The following C1orf159 variants were observed in gnomAD, a reference collection of about 807,000 sequenced individuals.
C1orf159 encodes chromosome 1 open reading frame 159.
Under a neutral mutation model 25.6 loss-of-function variants are expected in C1orf159, and 19 were observed. That is an observed-to-expected ratio of 0.74 (90% CI 0.52 to 1.09). C1orf159 has a LOEUF of 1.09. Ranked by LOEUF, C1orf159 falls within the 50% of genes least tolerant of loss-of-function variation. The pLI, the probability that C1orf159 is intolerant of heterozygous loss-of-function variation, is 0.00. For synonymous variants in C1orf159, 139 were observed against 124.7 expected, an observed-to-expected ratio of 1.12 and a Z score of -0.77; for missense variants, 274 against 290.6, an observed-to-expected ratio of 0.94 and a Z score of 0.42.
intron 9 of C1orf159, 92 bp downstream of exon 9, chr1:1,084,261 A>G (rs1479909693): frequency 1.3e-6 from 2 of 1,519,624 alleles, no homozygotes; most frequent in Non-Finnish European, 1.8e-6. Context: ...ATCCAGAGCC[A>G]GGCAAACCCG....
In C1orf159 at chr1:1,089,552, G is replaced by T. The variant is rs1197259097; in HGVS notation, c.148+801C>A. On this transcript the variant is annotated intron_variant, in intron 4 of 9. Coordinates refer to ENST00000421241, the MANE Select transcript of C1orf159 (RefSeq NM_017891.5). This position sits in a 1 kb window ranked among gnomAD's most constrained non-coding sequence, Gnocchi z 7.5. ...CCCCCACGCCCAGCCTCGGACCCCC[G>T]CGCCCAGCCTCACTGGCTGCCACAG... Among the ~76,000 whole-genome samples, 1 of 151,820 alleles carries T rather than the reference G, an allele frequency of 6.6e-6. No individual in the cohort carries two copies. Among genetic ancestry groups the T allele is most frequent in the African/African-American group, 2.4e-5 (1 of 41,288 alleles).
At position 1,087,058 on chromosome 1, in the gene C1orf159, AG is replaced by A; in HGVS notation, c.310+80del. ...CCCTGAGCCTGCTGTGGCTGCGTCA[AG>A]GGTGAGGGTCTGCACTGGCTCCGAC... On this transcript the variant is annotated intron_variant, in intron 6 of 9. Coordinates refer to ENST00000421241, the MANE Select transcript of C1orf159 (RefSeq NM_017891.5). The surrounding 1 kb of genome is among the most constrained non-coding windows in gnomAD (Gnocchi z 8.3). 1 of 1,387,040 alleles carries A rather than the reference AG, an allele frequency of 7.2e-7. No individual in the cohort carries two copies. The highest frequency in any genetic ancestry group is 2.4e-5 in the East Asian group (1 of 41,676). 85.9% of individuals were successfully genotyped at this position (1,387,040 alleles called of 1,614,324 possible). A position where few individuals can be genotyped will look rare whatever the true frequency, so the allele number is the denominator to read the frequency against.
rs377562317 is a variant in C1orf159 at position 1,091,290 on chromosome 1, G to C, written c.72+182C>G. 2.4e-5 allele frequency: 17 copies of C among 717,580 alleles called. No homozygotes were observed. The Middle Eastern group carries it at 8.0e-4, about 34-fold the overall frequency. The allele number at this position is 717,580 out of a possible 1,614,324, so 44.5% of individuals were successfully genotyped here. A position where few individuals can be genotyped will look rare whatever the true frequency, so the allele number is the denominator to read the frequency against. ...AGCAGGCGCTCACCCAGCAGGCAGC[G>C]GAGGGCTCCCCTCTGCGAGGCACAG... On this transcript the variant is annotated intron_variant, in intron 3 of 9. Transcript: ENST00000421241.
At chr1:1,088,097 A>C (rs1645863363) in intron 4 of C1orf159, among the ~76,000 whole-genome samples, 1 of 145,838 alleles carries the variant, frequency 6.9e-6, no homozygotes, top group African/African-American at 2.6e-5. Flanking sequence ...CCCAGCCTTC[A>C]CCCCACAGAC....
intron 1 of C1orf159, chr1:1,115,163 A>G (rs1276997589): frequency 6.9e-6 from 1 of 144,682 alleles, no homozygotes; most frequent in East Asian, 1.9e-4. Flanking sequence ...CAGCCACAAA[A>G]TAGTTCCCGG....
rs2100741690 is a variant in C1orf159, at chr1:1,085,891, G to A, written c.432C>T (p.Tyr144=). ...KRSSKLPRAC[Y]RRNKAPALQP... is the part of the protein sequence containing the mutation. The stretch of plus-strand genomic sequence containing the variant: ...TCCGGGAGATACCTTTGTTTCTTCT[G>A]TAGCAGGCCCTGGGGAGTTTACTGG... Residue 144 remains tyrosine (Y), a synonymous_variant, in exon 7 of 10, where the codon TAC becomes TAT. Transcript: ENST00000421241. 1 of 1,613,302 alleles carries A rather than the reference G, an allele frequency of 6.2e-7. No individual in the cohort carries two copies.
In C1orf159 at chr1:1,082,274, A is replaced by C. The variant is rs1645754588; in HGVS notation, c.*619T>G. 1 of 154,270 alleles carries C rather than the reference A, an allele frequency of 6.5e-6. No homozygotes were observed. The highest frequency in any genetic ancestry group is 2.0e-4 in the South Asian group (1 of 4,924). The allele number at this position is 154,270 out of a possible 1,614,324, so 9.6% of individuals were successfully genotyped here. A position where few individuals can be genotyped will look rare whatever the true frequency, so the allele number is the denominator to read the frequency against. ...AATTTCTGCTTAAAAACAGAGATCAAGAGGAAGCTCTATCCTGCAGCTCCG... is the reference window on the plus strand; with the variant it reads ...AATTTCTGCTTAAAAACAGAGATCACGAGGAAGCTCTATCCTGCAGCTCCG... On this transcript the variant is annotated 3_prime_UTR_variant, in exon 10 of 10. Transcript: ENST00000421241.
At chr1:1,088,880 A>G (rs1182043316) in intron 4 of C1orf159, among the ~76,000 whole-genome samples, 1 of 152,128 alleles carries the variant, frequency 6.6e-6, no homozygotes, top group East Asian at 1.9e-4. Context: ...GAAGAATGGA[A>G]GTCCACCCGC....
intron 1 of C1orf159, among the ~76,000 whole-genome samples, chr1:1,101,448 A>C (rs1338035269): frequency 2.0e-5 from 3 of 152,154 alleles, no homozygotes; most frequent in Non-Finnish European, 1.5e-5. Flanking sequence ...GTACCACTGC[A>C]CTCCAGCCTT....
chr1:1,082,586 C>T lies in C1orf159; in HGVS notation c.*307G>A. 2.4e-6 allele frequency: 1 copy of T among 421,164 alleles called. No individual in the cohort carries two copies. Among genetic ancestry groups the T allele is most frequent in the Non-Finnish European group, 4.4e-6 (1 of 228,320 alleles). The allele number at this position is 421,164 out of a possible 1,614,324, so 26.1% of individuals were successfully genotyped here. A position where few individuals can be genotyped will look rare whatever the true frequency, so the allele number is the denominator to read the frequency against. Reference sequence around the variant, plus strand: ...CCATAGATCGTGCCAGCTTTGGCTGCAGGCGCTGGGGCCTCACCGTGTTTC... The same window carrying T: ...CCATAGATCGTGCCAGCTTTGGCTGTAGGCGCTGGGGCCTCACCGTGTTTC... On this transcript the variant is annotated 3_prime_UTR_variant, in exon 10 of 10. Coordinates refer to ENST00000421241, the MANE Select transcript of C1orf159 (RefSeq NM_017891.5).
At chr1:1,086,772 T>C (rs182298600) in intron 6 of C1orf159, among the ~76,000 whole-genome samples, 1 of 151,776 alleles carries the variant, frequency 6.6e-6, no homozygotes, top group Admixed American at 6.6e-5. Flanking sequence ...GTGTGTGGTG[T>C]CAGCGTGAGC....
intron 6 of C1orf159, among the ~76,000 whole-genome samples, chr1:1,086,776 CGTGAGCCGTGAGT>C (rs1645836968): frequency 6.6e-6 from 1 of 151,806 alleles, no homozygotes; most frequent in Non-Finnish European, 1.5e-5. Flanking sequence ...GTGGTGTCAG[CGTGAGCCGTGAGT>C]GTGAGCCTTA....
In C1orf159 at chr1:1,110,752, G is replaced by A. The variant is rs536805315; in HGVS notation, c.-136+5308C>T. ...CTCTTCAGACAGCGGAAACCCACCC[G>A]GGCGCCCTCAGAGACGACGAGCACG... On this transcript the variant is annotated intron_variant, in intron 1 of 9. Transcript: ENST00000421241. The surrounding 1 kb of genome is among the most constrained non-coding windows in gnomAD (Gnocchi z 4.8). Among the ~76,000 whole-genome samples the A allele has an allele frequency of 3.9e-5, 6 of 152,250 alleles. No homozygotes were observed. The highest frequency in any genetic ancestry group is 1.9e-4 in the East Asian group (1 of 5,178).
intron 1 of C1orf159, among the ~76,000 whole-genome samples, chr1:1,100,180 A>AT (rs1228232686): frequency 1.3e-5 from 2 of 152,202 alleles, no homozygotes; most frequent in African/African-American, 2.4e-5. Flanking sequence ...AATCTTGCTA[A>AT]TTTGTCCATT....
chr1:1,090,594 G>A, intron 3 of C1orf159, 166 bp from the exon 4 acceptor site: 2 of 746,062 alleles, frequency 2.7e-6, no homozygotes, highest in Non-Finnish European at 4.4e-6. Flanking sequence ...GGGCCTGGGA[G>A]CAAGGAGGGG....
rs1004590607 is a variant in C1orf159, at chr1:1,087,508, T to G, written c.238A>C (p.Arg80=). 2.6e-6 allele frequency: 4 copies of G among 1,549,004 alleles called. No individual in the cohort carries two copies. The African/African-American group carries it at 5.5e-5, about 21-fold the overall frequency. ...GGGAGCCGGGCAGACCTACAGCTTC[T>G]ACACTCGGAGCCGTTGTAGGCTGGG... ...TLPAYNGSEC[R]SFAGPGAPFP... The change falls in exon 5 of 10, where the codon AGA becomes CGA. Residue 80 remains arginine, a synonymous_variant. Coordinates refer to ENST00000421241, the MANE Select transcript of C1orf159 (RefSeq NM_017891.5). This position sits in a 1 kb window ranked among gnomAD's most constrained non-coding sequence, Gnocchi z 8.3.
rs1054522275 is a variant in C1orf159, at chr1:1,082,277, G to A, written c.*616C>T. 6.5e-6 allele frequency: 1 copy of A among 154,474 alleles called. No homozygotes were observed. The highest frequency in any genetic ancestry group is 1.4e-5 in the Non-Finnish European group (1 of 69,300). 9.6% of individuals were successfully genotyped at this position (154,474 alleles called of 1,614,324 possible). A position where few individuals can be genotyped will look rare whatever the true frequency, so the allele number is the denominator to read the frequency against. ...TTCTGCTTAAAAACAGAGATCAAGAGGAAGCTCTATCCTGCAGCTCCGGAA... is the reference window on the plus strand; with the variant it reads ...TTCTGCTTAAAAACAGAGATCAAGAAGAAGCTCTATCCTGCAGCTCCGGAA... On this transcript the variant is annotated 3_prime_UTR_variant, in exon 10 of 10. Transcript: ENST00000421241.
intron 1 of C1orf159, among the ~76,000 whole-genome samples, chr1:1,107,091 C>G (rs1646185307): frequency 6.6e-6 from 1 of 152,258 alleles, no homozygotes. Context: ...CAACGGGCAC[C>G]ACCCCCTGCT....
chr1:1,114,997 C>T (rs1646314053), intron 1 of C1orf159: 1 of 152,318 alleles, frequency 6.6e-6, no homozygotes, highest in South Asian at 2.1e-4. Flanking sequence ...AGTAACCAAA[C>T]ACCACCTGTA....
Sources: gnomAD v4.1 joint callset for allele counts (sites outside exome capture counted in the v4.1 genomes callset) on GRCh38, gnomAD v4.1.1 for gene constraint, Gnocchi (gnomAD v3.1) non-coding constraint, MANE v1.5 for transcripts, NCBI Gene and HGNC (gene_info 2026-07-23, HGNC 2026-07-21) for gene names.